The following IFT80 variants were observed in gnomAD, a reference collection of about 807,000 sequenced individuals.
IFT80 encodes intraflagellar transport 80, also known as intraflagellar transport protein 80 homolog.
Under a neutral mutation model 107.9 loss-of-function variants are expected in IFT80, and 79 were observed. The observed-to-expected ratio is 0.73, with a 90% CI of 0.61 to 0.88. The LOEUF (loss-of-function observed/expected upper bound fraction) is 0.88. Ranked by LOEUF, IFT80 falls within the 40% of genes least tolerant of loss-of-function variation. The pLI, the probability that IFT80 is intolerant of heterozygous loss-of-function variation, is 0.00. For synonymous variants in IFT80, 299 were observed against 300.9 expected (o/e 0.99, Z 0.07); for missense variants, 797 against 914.2 (o/e 0.87, Z 1.65).
At chr3:160,338,476 T>C (rs774863903) in intron 8 of IFT80, among the ~76,000 whole-genome samples, 8 of 151,434 alleles carry the variant, frequency 5.3e-5, no homozygotes, top group Non-Finnish European at 1.0e-4. Context: ...CTATAAAAAA[T>C]TAAAAATTAG....
chr3:160,329,421 T>C (rs987909301), intron 8 of IFT80, among the ~76,000 whole-genome samples: 6 of 152,090 alleles, frequency 3.9e-5, no homozygotes, highest in Admixed American at 3.3e-4. Flanking sequence ...ATATCCCTCT[T>C]GATGGGGCTC....
At chr3:160,369,406 T>C (rs1303318203) in intron 5 of IFT80, among the ~76,000 whole-genome samples, 1 of 151,958 alleles carries the variant, frequency 6.6e-6, no homozygotes, top group Non-Finnish European at 1.5e-5. Flanking sequence ...CCTTGATCTT[T>C]ATTATAATCA....
At chr3:160,358,345 C>A (rs1721252266) in intron 6 of IFT80, among the ~76,000 whole-genome samples, 1 of 150,384 alleles carries the variant, frequency 6.6e-6, no homozygotes, top group South Asian at 2.1e-4. Context: ...AACTTCTGCA[C>A]AAACATCTTT....
chr3:160,393,584 A>G (rs1268552253), intron 1 of IFT80, among the ~76,000 whole-genome samples: 1 of 152,170 alleles, frequency 6.6e-6, no homozygotes, highest in African/African-American at 2.4e-5. Flanking sequence ...AGTTCTGTGG[A>G]TGGATGGAAG....
chr3:160,272,902 T>C (rs1713931401), intron 18 of IFT80, among the ~76,000 whole-genome samples: 1 of 152,196 alleles, frequency 6.6e-6, no homozygotes, highest in Admixed American at 6.5e-5. Flanking sequence ...ACATATTCAA[T>C]GTGGGCCTTC....
intron 1 of IFT80, among the ~76,000 whole-genome samples, chr3:160,385,491 T>C (rs916378690): frequency 1.3e-5 from 2 of 152,206 alleles, no homozygotes; most frequent in African/African-American, 4.8e-5. Flanking sequence ...GCTAACTACA[T>C]CAAAGGAGGT....
intron 9 of IFT80, among the ~76,000 whole-genome samples, chr3:160,308,762 A>G (rs1717013621): frequency 6.6e-6 from 1 of 152,232 alleles, no homozygotes; most frequent in African/African-American, 2.4e-5. Flanking sequence ...AGGCATTGCC[A>G]TGATCTAAAT....
Position 160,390,659 on chromosome 3 carries a change from T to TAG in IFT80, c.-46-6014_-46-6013insCT, listed in dbSNP as rs570004116. ...TCCATTCATCCCTGCTTCTGTGGTA[T>TAG]GAATTTGAAGTTTTGCTATACATCT... On this transcript the variant is annotated intron_variant, in intron 1 of 19. Coordinates refer to ENST00000326448, the MANE Select transcript of IFT80 (RefSeq NM_020800.3). Among the ~76,000 whole-genome samples, 18 of 152,300 alleles carry TAG rather than the reference T, an allele frequency of 1.2e-4. No homozygotes were observed. The South Asian group carries it at 3.5e-3, about 30-fold the overall frequency.
At chr3:160,369,264 T>C (rs1463995034) in intron 5 of IFT80, among the ~76,000 whole-genome samples, 2 of 151,956 alleles carry the variant, frequency 1.3e-5, no homozygotes, top group Non-Finnish European at 2.9e-5. Flanking sequence ...TTAACCACAT[T>C]CCTTCAATCA....
At chr3:160,388,036 A>G (rs1421446856) in intron 1 of IFT80, among the ~76,000 whole-genome samples, 1 of 152,146 alleles carries the variant, frequency 6.6e-6, no homozygotes, top group Non-Finnish European at 1.5e-5. Context: ...AGGAACTGAC[A>G]GGCCAGGGAT....
chr3:160,298,916 C>A (rs1181047653), intron 12 of IFT80, among the ~76,000 whole-genome samples: 2 of 152,092 alleles, frequency 1.3e-5, no homozygotes, highest in African/African-American at 2.4e-5. Context: ...ATGGCTATGA[C>A]ATTACTCGGT....
chr3:160,363,041 T>C (rs1331927883), intron 6 of IFT80, among the ~76,000 whole-genome samples: 1 of 152,068 alleles, frequency 6.6e-6, no homozygotes, highest in Non-Finnish European at 1.5e-5. Context: ...GAGAAGGAAA[T>C]AAAGGGTATT....
At chr3:160,261,738 G>T (rs1402469893) in intron 19 of IFT80, among the ~76,000 whole-genome samples, 1 of 148,952 alleles carries the variant, frequency 6.7e-6, no homozygotes, top group Non-Finnish European at 1.5e-5. Context: ...CTATGTTGAG[G>T]CCACAGTAAG....
intron 1 of IFT80, among the ~76,000 whole-genome samples, chr3:160,386,771 C>A (rs1712967748): frequency 6.6e-6 from 1 of 152,088 alleles, no homozygotes; most frequent in Admixed American, 6.6e-5. Flanking sequence ...AATACACCAG[C>A]CAGTAATTCT....
intron 12 of IFT80, 53 bp from the exon 13 acceptor site, chr3:160,285,921 T>TA: frequency 2.4e-6 from 3 of 1,233,494 alleles, no homozygotes; most frequent in Non-Finnish European, 3.6e-6. Context: ...TTTTTACTGG[T>TA]AAAATTCAGT....
intron 8 of IFT80, among the ~76,000 whole-genome samples, chr3:160,330,309 GAA>G (rs1253243333): frequency 6.6e-6 from 1 of 152,142 alleles, no homozygotes; most frequent in Non-Finnish European, 1.5e-5. Context: ...TGTTTCAAGA[GAA>G]GAGCAAAATT....
At chr3:160,330,399 T>C (rs929342682) in intron 8 of IFT80, among the ~76,000 whole-genome samples, 2 of 152,360 alleles carry the variant, frequency 1.3e-5, no homozygotes, top group Admixed American at 6.5e-5. Context: ...AACACAATTA[T>C]ACAACCTTTT....
At chr3:160,336,564 C>A (rs1295267486) in intron 8 of IFT80, among the ~76,000 whole-genome samples, 1 of 151,808 alleles carries the variant, frequency 6.6e-6, no homozygotes, top group African/African-American at 2.4e-5. Context: ...TTTGTTTTAT[C>A]CTCACATCTT....
chr3:160,366,410 G>A (rs948136111), intron 5 of IFT80, among the ~76,000 whole-genome samples: 16 of 151,864 alleles, frequency 1.1e-4, no homozygotes, highest in Admixed American at 9.2e-4. Context: ...AGAAAATATG[G>A]AGTTTTTAGA....
Sources: gnomAD v4.1 joint callset for allele counts (sites outside exome capture counted in the v4.1 genomes callset) on GRCh38, gnomAD v4.1.1 for gene constraint, MANE v1.5 for transcripts, NCBI Gene and HGNC (gene_info 2026-07-23, HGNC 2026-07-21) for gene names.